USP34: variants seen among roughly 807,000 people sequenced by gnomAD.
USP34 encodes the protein ubiquitin carboxyl-terminal hydrolase 34.
In USP34, 70 loss-of-function variants were observed where a neutral mutation model predicts 460.3. That is an observed-to-expected ratio of 0.15 (90% CI 0.13 to 0.19). The LOEUF is 0.19. Among genes scored for constraint, USP34 ranks in the 10% least tolerant of loss-of-function variants. USP34 has a pLI of 1.00. For missense variants in USP34, 3,985 were observed against 4,236.2 expected, an observed-to-expected ratio of 0.94 and a Z score of 1.65; for synonymous variants, 1,647 against 1,405.3, an observed-to-expected ratio of 1.17 and a Z score of -3.85.
At chr2:61,380,036 G>A in intron 7 of USP34, 133 bp downstream of exon 7, 1 of 636,552 alleles carries the variant, frequency 1.6e-6, no homozygotes, top group African/African-American at 1.8e-5. Flanking sequence ...TATTTGTGAA[G>A]ACCATATAAA....
chr2:61,466,470 T>C (rs1054879111), intron 1 of USP34, among the ~76,000 whole-genome samples: 8 of 152,140 alleles, frequency 5.3e-5, no homozygotes, highest in Non-Finnish European at 8.8e-5. Flanking sequence ...GCTAGGAGGA[T>C]ACTGAATGTT....
chr2:61,421,487 C>T (rs1573024951), intron 1 of USP34, among the ~76,000 whole-genome samples: 1 of 152,122 alleles, frequency 6.6e-6, no homozygotes, highest in Non-Finnish European at 1.5e-5. Flanking sequence ...ATGGCTTTTA[C>T]CTTCTTTGGC....
chr2:61,195,045 C>A (rs1272026992), intron 75 of USP34, among the ~76,000 whole-genome samples: 1 of 150,378 alleles, frequency 6.6e-6, no homozygotes, highest in Admixed American at 6.6e-5. Context: ...AATAATGAAA[C>A]CCCGTCTCTA....
rs569019054 is a variant in USP34, at chr2:61,280,206, G to A, written c.5256+38C>T. 278 of 1,170,832 alleles carry A rather than the reference G, an allele frequency of 2.4e-4. 5 individuals carry two copies. The South Asian group carries it at 3.7e-3, about 16-fold the overall frequency. 72.5% of individuals were successfully genotyped at this position (1,170,832 alleles called of 1,614,324 possible). On this transcript the variant is annotated intron_variant, in intron 39 of 79. Transcript: ENST00000398571. ...ATGTCATAATTCATATTAACAAGAAGAGAATACATAGAATAGTATATAATT... is the reference window on the plus strand; with the variant it reads ...ATGTCATAATTCATATTAACAAGAAAAGAATACATAGAATAGTATATAATT...
intron 43 of USP34, 163 bp downstream of exon 43, chr2:61,265,234 A>C: frequency 1.3e-6 from 1 of 749,874 alleles, no homozygotes; most frequent in South Asian, 2.0e-5. Flanking sequence ...ATCTACTAAA[A>C]TGTATAACTA....
intron 29 of USP34, among the ~76,000 whole-genome samples, chr2:61,300,467 G>A (rs572696528): frequency 1.8e-4 from 27 of 150,860 alleles, no homozygotes; most frequent in Admixed American, 5.9e-4. Context: ...GATCACAGGC[G>A]TGAGCCACCG....
chr2:61,296,924 C>G lies in USP34; in HGVS notation c.4130G>C (p.Ser1377Thr). The G allele has an allele frequency of 3.1e-6, 5 of 1,607,252 alleles. No homozygotes were observed. Among genetic ancestry groups the G allele is most frequent in the Non-Finnish European group, 3.4e-6 (4 of 1,177,568 alleles). The change falls in exon 30 of 80, where the codon AGC becomes ACC. Residue 1377 changes from serine to threonine, a missense_variant and splice_region_variant. Ser to Thr is a moderately conservative substitution (Grantham distance 58). Around this residue, in one of 14 missense-constraint regions of USP34, gnomAD observed 1,114 missense variants for 1,122.5 expected, o/e 0.99. Transcript: ENST00000398571. ...SGKVAVDDSE[S>T]LRCEELHLHA... The stretch of plus-strand genomic sequence containing the variant: ...AAGATGAAGTTCTTCACATCGTAAG[C>G]TCTACACAAATAAGAACAACTACTT...
chr2:61,436,379 A>C (rs955715804), intron 1 of USP34, among the ~76,000 whole-genome samples: 1 of 152,212 alleles, frequency 6.6e-6, no homozygotes. Flanking sequence ...ATTCCATGTA[A>C]ACAGAAACCA....
Position 61,239,318 on chromosome 2 carries a change from A to T in USP34, c.6777+2242T>A, listed in dbSNP as rs1046125954. Among the ~76,000 whole-genome samples, 252 of 150,120 alleles carry T rather than the reference A, an allele frequency of 1.7e-3. 3 individuals are homozygous for T. Among genetic ancestry groups the T allele is most frequent in the African/African-American group, 5.5e-3 (226 of 41,056 alleles). On this transcript the variant is annotated intron_variant, in intron 53 of 79. Coordinates refer to ENST00000398571, the MANE Select transcript of USP34 (RefSeq NM_014709.4). ...GGCCCTGTCACACACACACACACAC[A>T]CACACACACACACACACACACACAC...
intron 21 of USP34, among the ~76,000 whole-genome samples, chr2:61,324,264 G>A (rs550076195): frequency 6.6e-6 from 1 of 152,258 alleles, no homozygotes; most frequent in East Asian, 1.9e-4. Context: ...TTTGGATATG[G>A]TACACAACCT....
intron 69 of USP34, among the ~76,000 whole-genome samples, chr2:61,209,973 T>C (rs1454087988): frequency 6.6e-6 from 1 of 152,174 alleles, no homozygotes; most frequent in Non-Finnish European, 1.5e-5. Context: ...GAAAAGCTTA[T>C]AAAGATATAA....
chr2:61,375,768 C>CAAAAAAAAAAAAAAAAAAAAAAAAA (rs56304309), intron 8 of USP34, among the ~76,000 whole-genome samples: 2 of 80,872 alleles, frequency 2.5e-5, no homozygotes, highest in Admixed American at 1.6e-4. Context: ...GACTCTGTCT[C>CAAAAAAAAAAAAAAAAAAAAAAAAA]AAAAAAAAAA....
intron 1 of USP34, 44 bp downstream of exon 1, chr2:61,470,606 C>T (rs1558614958): frequency 7.0e-7 from 1 of 1,426,928 alleles, no homozygotes; most frequent in Non-Finnish European, 9.8e-7. Context: ...TGCGCGAGGA[C>T]CCCAAACCGT....
intron 41 of USP34, among the ~76,000 whole-genome samples, chr2:61,277,335 C>T (rs1336772129): frequency 6.6e-6 from 1 of 151,240 alleles, no homozygotes; most frequent in East Asian, 1.9e-4. Context: ...CTCCTGAGCT[C>T]AAGCAATCCT....
At position 61,248,516 on chromosome 2, in the gene USP34, T is replaced by G. The variant is rs749826328; in HGVS notation, c.6389A>C (p.Lys2130Thr). Residue 2130 changes from lysine (K) to threonine (T), a missense_variant, in exon 49 of 80, where the codon AAA becomes ACA. Physicochemically the swap from Lys to Thr is moderately conservative, Grantham distance 78. Coordinates refer to ENST00000398571, the MANE Select transcript of USP34 (RefSeq NM_014709.4). ...EDFLMGKSER[K>T]EGFKEVSDHS... is the part of the protein sequence containing the mutation. The stretch of plus-strand genomic sequence containing the variant: ...GAAAGAAATGAAAAAATCACCTTCT[T>G]TCCTCTCACTCTTTCCCATAAGAAA... The G allele has an allele frequency of 6.4e-6, 10 of 1,553,404 alleles. No individual in the cohort carries two copies. The highest frequency in any genetic ancestry group is 1.8e-4 in the Middle Eastern group (1 of 5,706).
intron 1 of USP34, among the ~76,000 whole-genome samples, chr2:61,449,971 C>T (rs192937708): frequency 2.7e-4 from 41 of 152,086 alleles, no homozygotes; most frequent in African/African-American, 9.7e-4. Flanking sequence ...GAGGCTGAGG[C>T]TGGAGAATCA....
intron 21 of USP34, 64 bp from the exon 22 acceptor site, chr2:61,319,391 G>C (rs1420400193): frequency 2.4e-6 from 3 of 1,271,308 alleles, no homozygotes; most frequent in Admixed American, 6.0e-5. Flanking sequence ...ACTTCTCTTA[G>C]GCATGTGTAT....
At chr2:61,278,821 G>GT (rs542134096) in intron 39 of USP34, among the ~76,000 whole-genome samples, 2 of 151,464 alleles carry the variant, frequency 1.3e-5, no homozygotes, top group African/African-American at 4.8e-5. Context: ...AGACACTGAA[G>GT]TTTTTTTTAA....
At chr2:61,434,433 A>G (rs558628776) in intron 1 of USP34, among the ~76,000 whole-genome samples, 1 of 152,206 alleles carries the variant, frequency 6.6e-6, no homozygotes, top group Admixed American at 6.5e-5. Flanking sequence ...CACCAAGCCA[A>G]TTGAGCAACC....
Sources: allele counts gnomAD v4.1 joint callset (sites outside exome capture counted in the v4.1 genomes callset), GRCh38; gene constraint gnomAD v4.1.1; regional missense constraint gnomAD v4.1.1; transcripts MANE v1.5; gene names NCBI Gene and HGNC (gene_info 2026-07-23, HGNC 2026-07-21).